The following EFS variants were observed in gnomAD, a reference collection of about 807,000 sequenced individuals.
The protein encoded by EFS is Cas scaffolding protein family member 3.
A neutral mutation model predicts 42.2 loss-of-function variants in EFS; 34 were observed. That is an observed-to-expected ratio of 0.81 (90% CI 0.61 to 1.07). The LOEUF is 1.07. Among genes scored for constraint, EFS ranks in the 50% least tolerant of loss-of-function variants. The pLI, the probability that EFS is intolerant of heterozygous loss-of-function variation, is 0.00. For missense variants in EFS, 717 were observed against 729.4 expected (o/e 0.98, Z 0.20); for synonymous variants, 299 against 320.7 (o/e 0.93, Z 0.72).
At chr14:23,363,615 C>T (rs1890225010) in intron 1 of EFS, among the ~76,000 whole-genome samples, 2 of 152,100 alleles carry the variant, frequency 1.3e-5, no homozygotes, top group African/African-American at 2.4e-5. Context: ...GCTAGGGTTT[C>T]CTGGCCATCG....
chr14:23,360,077 G>A (rs1190647818), intron 3 of EFS, 38 bp from the exon 4 acceptor site: 8 of 1,613,940 alleles, frequency 5.0e-6, no homozygotes, highest in African/African-American at 2.7e-5. Flanking sequence ...TCAGCTCAGC[G>A]ATGAACCCTC....
intron 5 of EFS, 120 bp from the exon 6 acceptor site, chr14:23,357,780 C>T: frequency 1.2e-6 from 1 of 842,792 alleles, no homozygotes; most frequent in Non-Finnish European, 1.7e-6. Flanking sequence ...TACCTCTGCC[C>T]ATCGGAAAGT....
chr14:23,364,996 TG>T lies in EFS; in HGVS notation c.18+11del. 3.0e-6 allele frequency: 4 copies of T among 1,329,864 alleles called. No homozygotes were observed. The highest frequency in any genetic ancestry group is 2.5e-5 in the South Asian group (1 of 39,536). The allele number at this position is 1,329,864 out of a possible 1,614,324, so 82.4% of individuals were successfully genotyped here. ...TCTCTCCCCGGCAGCCTCCACTCCC[TG>T]GTGGACTCACCGACGTGGCAATGGC... On this transcript the variant is annotated intron_variant, in intron 1 of 5. Coordinates refer to ENST00000216733, the MANE Select transcript of EFS (RefSeq NM_005864.4).
At chr14:23,363,797 G>T (rs1409654130) in intron 1 of EFS, among the ~76,000 whole-genome samples, 1 of 152,146 alleles carries the variant, frequency 6.6e-6, no homozygotes, top group Non-Finnish European at 1.5e-5. Flanking sequence ...AAGCTGATGT[G>T]GTGGTGCGTG....
rs1890068649 is a variant in EFS, at chr14:23,359,811, G to C, written c.667C>G (p.Leu223Val). ...GPPIYAAPSNLKRASALLNLY... is the reference protein window; with the variant it reads ...GPPIYAAPSNVKRASALLNLY... ...TTGAGTAAGGCTGACGCTCGTTTCAGGTTGGAGGGGGCAGCATAGATGGGG... is the reference window on the plus strand; with the variant it reads ...TTGAGTAAGGCTGACGCTCGTTTCACGTTGGAGGGGGCAGCATAGATGGGG... Residue 223 changes from leucine (L) to valine (V), a missense_variant, in exon 4 of 6, where the codon CTG (leucine) becomes GTG (valine). Coordinates refer to ENST00000216733, the MANE Select transcript of EFS (RefSeq NM_005864.4). 1 of 1,524,750 alleles carries C rather than the reference G, an allele frequency of 6.6e-7. No individual in the cohort carries two copies. The highest frequency in any genetic ancestry group is 2.2e-5 in the Admixed American group (1 of 44,984). The allele number at this position is 1,524,750 out of a possible 1,614,324, so 94.5% of individuals were successfully genotyped here. A position where few individuals can be genotyped will look rare whatever the true frequency, so the allele number is the denominator to read the frequency against.
chr14:23,359,196 G>A lies in EFS; in HGVS notation c.1161+121C>T, dbSNP rs1042513121. ...CAAGTACTGGGGTCCCAGGCTGCAGGGTAGAGGGAAGGGGGACAGAAGGGA... is the reference window on the plus strand; with the variant it reads ...CAAGTACTGGGGTCCCAGGCTGCAGAGTAGAGGGAAGGGGGACAGAAGGGA... On this transcript the variant is annotated intron_variant, in intron 4 of 5. Transcript: ENST00000216733. 7 of 1,478,732 alleles carry A rather than the reference G, an allele frequency of 4.7e-6. No homozygotes were observed. In the African/African-American group the frequency reaches 8.4e-5, roughly 18 times the overall value. The allele number at this position is 1,478,732 out of a possible 1,614,324, so 91.6% of individuals were successfully genotyped here. A position where few individuals can be genotyped will look rare whatever the true frequency, so the allele number is the denominator to read the frequency against.
At chr14:23,360,894 C>T (rs1289364581) in intron 1 of EFS, 61 bp from the exon 2 acceptor site, 3 of 1,520,038 alleles carry the variant, frequency 2.0e-6, no homozygotes, top group African/African-American at 1.4e-5. Context: ...TCACGTCACC[C>T]CTGCTTAGAA....
Position 23,356,621 on chromosome 14 carries a change from A to G in EFS, c.*605T>C, listed in dbSNP as rs1044207202. 3 of 152,220 alleles carry G rather than the reference A, an allele frequency of 2.0e-5. No homozygotes were observed. Among genetic ancestry groups the G allele is most frequent in the Non-Finnish European group, 4.4e-5 (3 of 68,044 alleles). The allele number at this position is 152,220 out of a possible 1,614,324, so 9.4% of individuals were successfully genotyped here. A position where few individuals can be genotyped will look rare whatever the true frequency, so the allele number is the denominator to read the frequency against. On this transcript the variant is annotated 3_prime_UTR_variant, in exon 6 of 6. Coordinates refer to ENST00000216733, the MANE Select transcript of EFS (RefSeq NM_005864.4). ...TGTCCCATAGGTATGGCTGCTGAGCACCAGGGCTGCTCACCATGCTCCCAA... is the reference window on the plus strand; with the variant it reads ...TGTCCCATAGGTATGGCTGCTGAGCGCCAGGGCTGCTCACCATGCTCCCAA...
rs1412435292 is a variant in EFS at position 23,358,927 on chromosome 14, C to T, written c.1200G>A (p.Gln400=). 3 of 1,613,144 alleles carry T rather than the reference C, an allele frequency of 1.9e-6. No individual in the cohort carries two copies. Among genetic ancestry groups the T allele is most frequent in the Non-Finnish European group, 2.5e-6 (3 of 1,179,686 alleles). The stretch of plus-strand genomic sequence containing the variant: ...GCAGTTCAGGATCCCCTGTGCAGGC[C>T]TGATCCGGGGGCCTAGATCCCTGAG... ...DKAQGSRPPD[Q]ACTGDPELPE... Residue 400 remains glutamine (Q), a synonymous_variant, in exon 5 of 6, where the codon CAG becomes CAA. Coordinates refer to ENST00000216733, the MANE Select transcript of EFS (RefSeq NM_005864.4).
At position 23,359,441 on chromosome 14, in the gene EFS, C is replaced by G. The variant is rs760103137; in HGVS notation, c.1037G>C (p.Gly346Ala). 9 of 1,606,076 alleles carry G rather than the reference C, an allele frequency of 5.6e-6. No homozygotes were observed. Among genetic ancestry groups the G allele is most frequent in the African/African-American group, 2.7e-5 (2 of 74,568 alleles). Residue 346 changes from glycine (G) to alanine (A), a missense_variant, in exon 4 of 6, where the codon GGT becomes GCT. Transcript: ENST00000216733. ...PLPPPPPRLP[G>A]YGGPKVEGDP... is the part of the protein sequence containing the mutation. Reference sequence around the variant, plus strand: ...CCCCTCGACCTTGGGGCCTCCATAACCAGGCAGGCGGGGTGGGGGTGGGGG... The same window carrying G: ...CCCCTCGACCTTGGGGCCTCCATAAGCAGGCAGGCGGGGTGGGGGTGGGGG...
intron 2 of EFS, 104 bp from the exon 3 acceptor site, chr14:23,360,385 G>C: frequency 3.3e-6 from 5 of 1,506,788 alleles, no homozygotes; most frequent in Non-Finnish European, 4.4e-6. Context: ...TCCCTGTATC[G>C]AGAGGGCCAC....
chr14:23,363,157 C>T (rs1345154449), intron 1 of EFS, among the ~76,000 whole-genome samples: 1 of 152,038 alleles, frequency 6.6e-6, no homozygotes, highest in Non-Finnish European at 1.5e-5. Flanking sequence ...TCATGATCCG[C>T]CCGCCTCTGC....
chr14:23,362,049 T>G (rs1455133061), intron 1 of EFS, among the ~76,000 whole-genome samples: 1 of 152,230 alleles, frequency 6.6e-6, no homozygotes, highest in African/African-American at 2.4e-5. Flanking sequence ...TAACAGTGGC[T>G]GAGAGGGTCC....
chr14:23,359,345 G>T lies in EFS; in HGVS notation c.1133C>A (p.Ala378Asp). The T allele has an allele frequency of 6.2e-7, 1 of 1,613,108 alleles. No individual in the cohort carries two copies. The highest frequency in any genetic ancestry group is 8.5e-7 in the Non-Finnish European group (1 of 1,179,972). Residue 378 changes from alanine to aspartate, a missense_variant, in exon 4 of 6, where the codon GCC becomes GAC. Transcript: ENST00000216733. Reference sequence around the variant, plus strand: ...CAGGTGGACATAGTCATACTCCTCGGCCATCGGAATGCCCTCGTACTCATT... The same window carrying T: ...CAGGTGGACATAGTCATACTCCTCGTCCATCGGAATGCCCTCGTACTCATT... ...HHNEYEGIPM[A>D]EEYDYVHLKG...
Position 23,358,983 on chromosome 14 carries a change from G to A in EFS, c.1162-18C>T. ...TCCATGCCCTGCAGGAGGGGATCAG[G>A]TCTCAGTGTCGGGGTGGGGGAGCAG... On this transcript the variant is annotated intron_variant, in intron 4 of 5. Transcript: ENST00000216733. 1.3e-6 allele frequency: 2 copies of A among 1,595,640 alleles called. No individual in the cohort carries two copies. The highest frequency in any genetic ancestry group is 1.7e-6 in the Non-Finnish European group (2 of 1,171,314).
Position 23,357,668 on chromosome 14 carries a change from G to A in EFS, c.1252-8C>T. ...CCCTGGGGACAGGGCCTCCTGAAGG[G>A]CAAGAGGAGTGGTCAGAGAGAACAT... On this transcript the variant is annotated splice_region_variant and splice_polypyrimidine_tract_variant and intron_variant, in intron 5 of 5. Coordinates refer to ENST00000216733, the MANE Select transcript of EFS (RefSeq NM_005864.4). 6.6e-7 allele frequency: 1 copy of A among 1,512,560 alleles called. No individual in the cohort carries two copies. Among genetic ancestry groups the A allele is most frequent in the Non-Finnish European group, 8.9e-7 (1 of 1,126,660 alleles). 93.7% of individuals were successfully genotyped at this position (1,512,560 alleles called of 1,614,324 possible).
At chr14:23,363,448 C>T (rs1890220150) in intron 1 of EFS, among the ~76,000 whole-genome samples, 1 of 152,046 alleles carries the variant, frequency 6.6e-6, no homozygotes, top group Admixed American at 6.5e-5. Context: ...TATTAGAATC[C>T]TGTGAGTTTG....
At chr14:23,358,292 A>G (rs1427636373) in intron 5 of EFS, among the ~76,000 whole-genome samples, 2 of 151,964 alleles carry the variant, frequency 1.3e-5, no homozygotes, top group Non-Finnish European at 2.9e-5. Context: ...GGCTTAGCAA[A>G]GTGCATTTCA....
At chr14:23,358,999 G>A in intron 4 of EFS, 34 bp from the exon 5 acceptor site, 3 of 1,571,312 alleles carry the variant, frequency 1.9e-6, no homozygotes, top group Non-Finnish European at 2.6e-6. Flanking sequence ...GTGTCGGGGT[G>A]GGGGAGCAGG....
Sources: gnomAD v4.1 joint callset for allele counts (sites outside exome capture counted in the v4.1 genomes callset) on GRCh38, gnomAD v4.1.1 for gene constraint, MANE v1.5 for transcripts, NCBI Gene and HGNC (gene_info 2026-07-23, HGNC 2026-07-21) for gene names.